STYX: variants seen among roughly 807,000 people sequenced by gnomAD.
STYX encodes serine/threonine/tyrosine-interacting protein.
STYX carries 20 observed loss-of-function variants against 42.7 expected under a neutral mutation model. That is an observed-to-expected ratio of 0.47 (90% CI 0.33 to 0.68). The LOEUF (loss-of-function observed/expected upper bound fraction) is 0.68, where lower values mean the gene tolerates loss of function less well. Ranked by LOEUF, STYX falls within the 30% of genes least tolerant of loss-of-function variation. STYX has a pLI of 0.02. For missense variants in STYX, 226 were observed against 268.5 expected (o/e 0.84, Z 1.11); for synonymous variants, 78 against 81.9 (o/e 0.95, Z 0.26).
intron 1 of STYX, among the ~76,000 whole-genome samples, chr14:52,733,858 A>G: frequency 6.6e-6 from 1 of 152,158 alleles, no homozygotes; most frequent in East Asian, 1.9e-4. Flanking sequence ...TTTATTGAAA[A>G]CAAAAGTACA....
Position 52,757,796 on chromosome 14 carries a change from A to G in STYX, c.380+14A>G. ...GATCTCCAGAAGGTATGAAGTTAGA[A>G]ATAATCTTTCTTTCTATAACATTTA... On this transcript the variant is annotated intron_variant, in intron 7 of 10. Coordinates refer to ENST00000354586, the MANE Select transcript of STYX (RefSeq NM_145251.4). 6.2e-7 allele frequency: 1 copy of G among 1,613,332 alleles called. No individual in the cohort carries two copies. The highest frequency in any genetic ancestry group is 8.5e-7 in the Non-Finnish European group (1 of 1,179,662).
intron 4 of STYX, among the ~76,000 whole-genome samples, chr14:52,751,828 G>A (rs542814628): frequency 6.6e-6 from 1 of 152,256 alleles, no homozygotes; most frequent in South Asian, 2.1e-4. Context: ...TATCCTGGGA[G>A]GCAGCTTCTT....
At chr14:52,770,294 A>G (rs906623152) in intron 10 of STYX, among the ~76,000 whole-genome samples, 1 of 152,152 alleles carries the variant, frequency 6.6e-6, no homozygotes, top group Non-Finnish European at 1.5e-5. Context: ...CCTCTGAATT[A>G]ACATTATTAT....
At chr14:52,733,319 T>C (rs1880808244) in intron 1 of STYX, among the ~76,000 whole-genome samples, 1 of 152,188 alleles carries the variant, frequency 6.6e-6, no homozygotes, top group African/African-American at 2.4e-5. Context: ...GTCTTTTCTG[T>C]GTGGGACTTG....
chr14:52,736,597 A>G (rs1880961953), intron 1 of STYX, among the ~76,000 whole-genome samples: 1 of 152,188 alleles, frequency 6.6e-6, no homozygotes, highest in East Asian at 1.9e-4. Flanking sequence ...ATCCCGTAGT[A>G]CAGGATCAAA....
intron 8 of STYX, among the ~76,000 whole-genome samples, chr14:52,759,348 G>A (rs1882001088): frequency 6.6e-6 from 1 of 152,114 alleles, no homozygotes; most frequent in South Asian, 2.1e-4. Flanking sequence ...TCAAAGTCCT[G>A]GCTTCAAGCA....
At chr14:52,758,109 T>A (rs578011907) in intron 8 of STYX, among the ~76,000 whole-genome samples, 185 bp downstream of exon 8, 5 of 152,330 alleles carry the variant, frequency 3.3e-5, no homozygotes, top group Non-Finnish European at 4.4e-5. Context: ...TAGATATGCA[T>A]AGGCTAATAT....
intron 10 of STYX, 29 bp from the exon 11 acceptor site, chr14:52,771,004 C>T: frequency 5.0e-6 from 8 of 1,599,780 alleles, no homozygotes; most frequent in Non-Finnish European, 6.8e-6. Context: ...ATTTTAGTGC[C>T]CTTTTAATCT....
intron 3 of STYX, among the ~76,000 whole-genome samples, chr14:52,747,011 T>TATTTCGG (rs1881420726): frequency 6.6e-6 from 1 of 152,176 alleles, no homozygotes; most frequent in Admixed American, 6.5e-5. Context: ...CTCACTGGAG[T>TATTTCGG]ATTTCGGATT....
intron 8 of STYX, among the ~76,000 whole-genome samples, chr14:52,759,126 T>C (rs919147997): frequency 2.0e-5 from 3 of 152,144 alleles, no homozygotes; most frequent in Middle Eastern, 6.3e-3. Context: ...GCTTACATTT[T>C]ATATATTTAT....
At position 52,746,410 on chromosome 14, in the gene STYX, ATTT is replaced by A; in HGVS notation, c.91-7_91-5del. The A allele has an allele frequency of 5.8e-6, 7 of 1,211,764 alleles. No homozygotes were observed. The highest frequency in any genetic ancestry group is 7.8e-6 in the Non-Finnish European group (7 of 892,660). The allele number at this position is 1,211,764 out of a possible 1,614,324, so 75.1% of individuals were successfully genotyped here. ...AAATTGCTGATGGTAAATACCTCAAATTTTTTTTTTTCTAGGAAATTTTACCTG... is the reference window on the plus strand; with the variant it reads ...AAATTGCTGATGGTAAATACCTCAAATTTTTTTTCTAGGAAATTTTACCTG... On this transcript the variant is annotated splice_polypyrimidine_tract_variant and intron_variant, in intron 2 of 10. Coordinates refer to ENST00000354586, the MANE Select transcript of STYX (RefSeq NM_145251.4).
At position 52,772,218 on chromosome 14, in the gene STYX, T is replaced by C. The variant is rs1211631031; in HGVS notation, c.*1112T>C. Reference sequence around the variant, plus strand: ...AAATATTAGTAAATTATTTGGAATATAGAATGTTTACTCTTTCTTTTTATG... The same window carrying C: ...AAATATTAGTAAATTATTTGGAATACAGAATGTTTACTCTTTCTTTTTATG... On this transcript the variant is annotated 3_prime_UTR_variant, in exon 11 of 11. Coordinates refer to ENST00000354586, the MANE Select transcript of STYX (RefSeq NM_145251.4). 1.3e-5 allele frequency: 2 copies of C among 152,164 alleles called. No individual in the cohort carries two copies. Among genetic ancestry groups the C allele is most frequent in the Non-Finnish European group, 2.9e-5 (2 of 67,976 alleles). The allele number at this position is 152,164 out of a possible 1,614,324, so 9.4% of individuals were successfully genotyped here.
At chr14:52,745,791 A>G (rs1881372317) in intron 2 of STYX, among the ~76,000 whole-genome samples, 1 of 152,188 alleles carries the variant, frequency 6.6e-6, no homozygotes, top group African/African-American at 2.4e-5. Context: ...TTCTCTCTTA[A>G]TGAAAGTTCA....
Position 52,750,502 on chromosome 14 carries a change from A to G in STYX, c.145-181A>G, listed in dbSNP as rs149644659. Reference sequence around the variant, plus strand: ...GAGGACATTAATGTATTAATCTTGAATCATTGAAATATCTTGCTGCCCACT... The same window carrying G: ...GAGGACATTAATGTATTAATCTTGAGTCATTGAAATATCTTGCTGCCCACT... On this transcript the variant is annotated intron_variant, in intron 3 of 10. Transcript: ENST00000354586. 2.6e-4 allele frequency among the ~76,000 whole-genome samples: 39 copies of G among 152,306 alleles called. 2 individuals carry two copies. In the East Asian group the frequency reaches 7.5e-3, roughly 29 times the overall value.
chr14:52,765,075 A>G (rs1050147267), intron 9 of STYX, among the ~76,000 whole-genome samples: 1 of 152,204 alleles, frequency 6.6e-6, no homozygotes, highest in African/African-American at 2.4e-5. Flanking sequence ...CTATATTCCC[A>G]TGGAAACTAT....
intron 9 of STYX, among the ~76,000 whole-genome samples, chr14:52,767,929 T>A (rs758664209): frequency 1.3e-5 from 2 of 152,204 alleles, no homozygotes; most frequent in African/African-American, 4.8e-5. Context: ...CTTGGCTACA[T>A]GCAACCAAAT....
chr14:52,766,916 T>A (rs1042736900), intron 9 of STYX, among the ~76,000 whole-genome samples: 2 of 152,182 alleles, frequency 1.3e-5, no homozygotes, highest in African/African-American at 4.8e-5. Flanking sequence ...CATTAAATAT[T>A]TATTTGGCAT....
At chr14:52,756,411 C>A in intron 4 of STYX, 140 bp from the exon 5 acceptor site, 1 of 511,406 alleles carries the variant, frequency 2.0e-6, no homozygotes, top group Non-Finnish European at 3.5e-6. Context: ...TAAAATCTAC[C>A]ACACAGTTCT....
chr14:52,768,846 G>T lies in STYX; in HGVS notation c.511G>T (p.Glu171Ter). 1 of 1,559,950 alleles carries T rather than the reference G, an allele frequency of 6.4e-7. No homozygotes were observed. Among genetic ancestry groups the T allele is most frequent in the Non-Finnish European group, 8.6e-7 (1 of 1,156,766 alleles). Residue 171 changes from glutamate (E) to a stop codon, truncating the protein, a stop_gained, in exon 10 of 11, where the codon GAA (glutamate) becomes TAA (stop). Coordinates refer to ENST00000354586, the MANE Select transcript of STYX (RefSeq NM_145251.4). LOFTEE classifies it high-confidence loss of function. ...AGFVHQLQEY[E>*]AIYLAKLTIQ... ...TAACTTATTTTTTTTTTAGGAATATGAAGCCATCTACCTAGCAAAATTAAC... is the reference window on the plus strand; with the variant it reads ...TAACTTATTTTTTTTTTAGGAATATTAAGCCATCTACCTAGCAAAATTAAC...
Sources: gnomAD v4.1 joint callset for allele counts (sites outside exome capture counted in the v4.1 genomes callset) on GRCh38, gnomAD v4.1.1 for gene constraint, MANE v1.5 for transcripts, NCBI Gene and HGNC (gene_info 2026-07-23, HGNC 2026-07-21) for gene names.